The following USP2 variants were observed in gnomAD, a reference collection of about 807,000 sequenced individuals.
USP2 encodes the protein ubiquitin carboxyl-terminal hydrolase 2.
USP2 carries 33 observed loss-of-function variants against 72.0 expected under a neutral mutation model. The ratio of observed to expected loss-of-function variants is 0.46; its 90% CI spans 0.35 to 0.61. The LOEUF (loss-of-function observed/expected upper bound fraction) is 0.61. Ranked by LOEUF, USP2 falls within the 20% of genes least tolerant of loss-of-function variation. The probability of loss-of-function intolerance (pLI) is 0.01; values close to 1 mark genes in which losing one functional copy is unlikely to be tolerated. For missense variants in USP2, 691 were observed against 797.8 expected, an observed-to-expected ratio of 0.87 and a Z score of 1.61; for synonymous variants, 296 against 312.5, an observed-to-expected ratio of 0.95 and a Z score of 0.56.
At chr11:119,366,418 C>T (rs771464326) in intron 2 of USP2, among the ~76,000 whole-genome samples, 3 of 152,198 alleles carry the variant, frequency 2.0e-5, no homozygotes, top group Admixed American at 2.0e-4. Flanking sequence ...TTAACTCCAC[C>T]CATCTCTAAA....
chr11:119,373,064 C>T lies in USP2; in HGVS notation c.417G>A (p.Lys139=), dbSNP rs562405453. The change falls in exon 2 of 13, where the codon AAG becomes AAA. Residue 139 remains lysine, a synonymous_variant. Coordinates refer to ENST00000260187, the MANE Select transcript of USP2 (RefSeq NM_004205.5). ...AYDQGVTLTQ[K]LDSQSDLARD... is the part of the protein sequence containing the mutation. ...GGGCCAGGTCTGATTGGCTGTCCAG[C>T]TTCTGGGTTAGGGTCACCCCCTGGT... 1.9e-6 allele frequency: 3 copies of T among 1,614,040 alleles called. No individual in the cohort carries two copies. The highest frequency in any genetic ancestry group is 2.2e-5 in the South Asian group (2 of 91,088).
At chr11:119,377,758 C>T (rs1369369507) in intron 1 of USP2, among the ~76,000 whole-genome samples, 3 of 152,300 alleles carry the variant, frequency 2.0e-5, no homozygotes, top group Admixed American at 6.5e-5. Context: ...CCCTTTGCTT[C>T]AGCCACTGTC....
intron 2 of USP2, among the ~76,000 whole-genome samples, chr11:119,371,826 A>G (rs991350632): frequency 5.3e-5 from 8 of 152,038 alleles, no homozygotes; most frequent in Non-Finnish European, 1.2e-4. Flanking sequence ...CCACCCACAC[A>G]TCCATCCATC....
chr11:119,358,301 G>A, intron 7 of USP2, 49 bp from the exon 8 acceptor site: 1 of 1,557,516 alleles, frequency 6.4e-7, no homozygotes, highest in Non-Finnish European at 8.8e-7. Context: ...AGTAGAGCAT[G>A]GTCTTCTGCA....
chr11:119,373,439 C>T lies in USP2; in HGVS notation c.42G>A (p.Ser14=), dbSNP rs368897551. The change falls in exon 2 of 13, where the codon TCG becomes TCA. Residue 14 remains serine, a synonymous_variant. Transcript: ENST00000260187. ...LSSTLKRYTE[S]ARYTDAHYAK... ...CATAGTGGGCATCTGTGTAGCGGGC[C>T]GATTCTGTGTAGCGCTTCAGGGTGG... 13 of 1,599,784 alleles carry T rather than the reference C, an allele frequency of 8.1e-6. No homozygotes were observed. The highest frequency in any genetic ancestry group is 3.3e-5 in the Admixed American group (2 of 59,888).
intron 2 of USP2, among the ~76,000 whole-genome samples, chr11:119,369,379 A>G (rs1950898511): frequency 6.6e-6 from 1 of 152,144 alleles, no homozygotes; most frequent in Non-Finnish European, 1.5e-5. Context: ...TAATGAGGGA[A>G]AGAAGTCTGG....
intron 2 of USP2, among the ~76,000 whole-genome samples, chr11:119,368,303 G>A (rs748637066): frequency 6.6e-6 from 1 of 152,246 alleles, no homozygotes; most frequent in Non-Finnish European, 1.5e-5. Flanking sequence ...ACAGACCCCA[G>A]GATCTCAGGC....
In USP2 at chr11:119,381,655, C is replaced by T. The variant is rs936706492; in HGVS notation, c.-224G>A. On this transcript the variant is annotated 5_prime_UTR_variant, in exon 1 of 13. Coordinates refer to ENST00000260187, the MANE Select transcript of USP2 (RefSeq NM_004205.5). ...CCCAGAAGGGACCTCCCCGGGAAATCGGCGCCACCCAGCGGGCAGCCGCCT... is the reference window on the plus strand; with the variant it reads ...CCCAGAAGGGACCTCCCCGGGAAATTGGCGCCACCCAGCGGGCAGCCGCCT... 13 of 1,153,608 alleles carry T rather than the reference C, an allele frequency of 1.1e-5. No homozygotes were observed. Among genetic ancestry groups the T allele is most frequent in the Middle Eastern group, 2.6e-4 (1 of 3,906 alleles). 71.5% of individuals were successfully genotyped at this position (1,153,608 alleles called of 1,614,324 possible).
intron 3 of USP2, 37 bp downstream of exon 3, chr11:119,360,147 G>C (rs1950739784): frequency 6.2e-7 from 1 of 1,609,302 alleles, no homozygotes; most frequent in Non-Finnish European, 8.5e-7. Context: ...ATAGTAGGGG[G>C]TGGGCCTGGG....
chr11:119,375,723 C>A (rs895902186), intron 1 of USP2, among the ~76,000 whole-genome samples: 6 of 152,198 alleles, frequency 3.9e-5, no homozygotes, highest in African/African-American at 1.4e-4. Flanking sequence ...GGTATGAGCT[C>A]ATGGCTCCTC....
At chr11:119,357,387 C>CA in intron 11 of USP2, 80 bp from the exon 12 acceptor site, 1 of 1,605,456 alleles carries the variant, frequency 6.2e-7, no homozygotes, top group Non-Finnish European at 8.5e-7. Flanking sequence ...CTGGGTCTCT[C>CA]AGTAGCTGGT....
intron 8 of USP2, 34 bp downstream of exon 8, chr11:119,358,115 G>T (rs1950700818): frequency 6.2e-7 from 1 of 1,614,108 alleles, no homozygotes; most frequent in Non-Finnish European, 8.5e-7. Flanking sequence ...GACAGGAGAG[G>T]GAGTTCAACA....
intron 7 of USP2, 88 bp from the exon 8 acceptor site, chr11:119,358,340 G>A: frequency 1.6e-6 from 2 of 1,270,386 alleles, no homozygotes; most frequent in South Asian, 1.3e-5. Context: ...TTTTTGAGAT[G>A]GAGTTTTGCT....
intron 11 of USP2, 36 bp from the exon 12 acceptor site, chr11:119,357,343 C>T (rs1380985413): frequency 6.2e-7 from 1 of 1,612,116 alleles, no homozygotes; most frequent in Non-Finnish European, 8.5e-7. Context: ...CCCGAGGCCC[C>T]CCTGCCCCGA....
At position 119,356,857 on chromosome 11, in the gene USP2, G is replaced by A; in HGVS notation, c.1796C>T (p.Ala599Val). Reference sequence around the variant, plus strand: ...GCGCTACATTCGGGAGGGCGGGCTGGCCAGTTCGTAGAAGAGCAGGTAGGC... The same window carrying A: ...GCGCTACATTCGGGAGGGCGGGCTGACCAGTTCGTAGAAGAGCAGGTAGGC... ...SDAYLLFYEL[A>V]SPPSRM The change falls in exon 13 of 13, where the codon GCC becomes GTC. Residue 599 changes from alanine to valine, a missense_variant. By Grantham distance (64) the Ala-to-Val change is moderately conservative. Transcript: ENST00000260187. 2 of 1,565,896 alleles carry A rather than the reference G, an allele frequency of 1.3e-6. No individual in the cohort carries two copies. Among genetic ancestry groups the A allele is most frequent in the Non-Finnish European group, 1.7e-6 (2 of 1,155,572 alleles).
Position 119,372,973 on chromosome 11 carries a change from G to C in USP2, c.508C>G (p.Pro170Ala). 1 of 1,613,866 alleles carries C rather than the reference G, an allele frequency of 6.2e-7. No individual in the cohort carries two copies. Among genetic ancestry groups the C allele is most frequent in the Non-Finnish European group, 8.5e-7 (1 of 1,180,020 alleles). ...TCCTTGCGCGTCCGGGCCAGCATGGGGCTGCGGCCCAGGTTCCTGGGGTCT... is the reference window on the plus strand; with the variant it reads ...TCCTTGCGCGTCCGGGCCAGCATGGCGCTGCGGCCCAGGTTCCTGGGGTCT... ...RIDPRNLGRS[P>A]MLARTRKELC... Residue 170 changes from proline (P) to alanine (A), a missense_variant, in exon 2 of 13, where the codon CCC becomes GCC. Transcript: ENST00000260187.
chr11:119,359,050 G>A lies in USP2; in HGVS notation c.1146C>T (p.Ser382=), dbSNP rs757485944. The change falls in exon 6 of 13, where the codon TCC becomes TCT. Residue 382 remains serine (S), a synonymous_variant. Coordinates refer to ENST00000260187, the MANE Select transcript of USP2 (RefSeq NM_004205.5). ...GAAGATGATCGAGGTTCTCAGGGTT[G>A]GACTTAGGTCTCAGTGTCACTCGGT... ...EVNRVTLRPK[S]NPENLDHLPD... 1.2e-6 allele frequency: 2 copies of A among 1,614,082 alleles called. No homozygotes were observed. Among genetic ancestry groups the A allele is most frequent in the Middle Eastern group, 1.6e-4 (1 of 6,062 alleles).
In USP2 at chr11:119,378,235, C is replaced by T. The variant is rs369070032; in HGVS notation, c.-42+3238G>A. Reference sequence around the variant, plus strand: ...CCTGCCTCCCAGCTGCTTGGGTCACCTGCTGCACTATCTGGGCACAAGTGT... The same window carrying T: ...CCTGCCTCCCAGCTGCTTGGGTCACTTGCTGCACTATCTGGGCACAAGTGT... On this transcript the variant is annotated intron_variant, in intron 1 of 12. Transcript: ENST00000260187. Among the ~76,000 whole-genome samples the T allele has an allele frequency of 2.1e-3, 309 of 150,470 alleles. 2 individuals carry two copies. Among genetic ancestry groups the T allele is most frequent in the Middle Eastern group, 0.01 (3 of 292 alleles).
At position 119,365,203 on chromosome 11, in the gene USP2, G is replaced by A. The variant is rs1950835411; in HGVS notation, c.775-4969C>T. Among the ~76,000 whole-genome samples, 2 of 152,192 alleles carry A rather than the reference G, an allele frequency of 1.3e-5. 1 individual carries two copies. The highest frequency in any genetic ancestry group is 4.1e-4 in the South Asian group (2 of 4,832). ...CAGCAGTGTATGCTGTTACTCATCT[G>A]TGGGCTCCTTCTGTTCCTTCTGGTG... On this transcript the variant is annotated intron_variant, in intron 2 of 12. Coordinates refer to ENST00000260187, the MANE Select transcript of USP2 (RefSeq NM_004205.5).
Sources: gnomAD v4.1 joint callset for allele counts (sites outside exome capture counted in the v4.1 genomes callset) on GRCh38, gnomAD v4.1.1 for gene constraint, MANE v1.5 for transcripts, NCBI Gene and HGNC (gene_info 2026-07-23, HGNC 2026-07-21) for gene names.